The following RARB variants were observed in gnomAD, a reference collection of about 807,000 sequenced individuals.
RARB encodes the protein HBV-activated protein.
RARB carries 17 observed loss-of-function variants against 51.9 expected under a neutral mutation model. The observed-to-expected ratio is 0.33, with a 90% CI of 0.22 to 0.49. RARB has a LOEUF of 0.49. Ranked by LOEUF, RARB falls within the 20% of genes least tolerant of loss-of-function variation. The pLI is 0.99. For missense variants in RARB, 369 were observed against 550.8 expected (o/e 0.67, Z 3.30); for synonymous variants, 215 against 195.4 (o/e 1.10, Z -0.84).
chr3:25,103,511 G>C (rs967351251), intron 3 of RARB, among the ~76,000 whole-genome samples: 1 of 152,158 alleles, frequency 6.6e-6, no homozygotes, highest in African/African-American at 2.4e-5. Context: ...GCCATCTTCA[G>C]GATAATTTTA....
intron 2 of RARB, among the ~76,000 whole-genome samples, chr3:24,902,813 C>G (rs1298040605): frequency 6.6e-6 from 1 of 152,050 alleles, no homozygotes; most frequent in Non-Finnish European, 1.5e-5. Context: ...CTGGCTTTGC[C>G]AATCTGGTTA....
At chr3:25,392,457 T>C (rs1234197651) in intron 5 of RARB, among the ~76,000 whole-genome samples, 1 of 152,164 alleles carries the variant, frequency 6.6e-6, no homozygotes, top group Non-Finnish European at 1.5e-5. Context: ...GGGATTTACA[T>C]TGAATTTATA....
At chr3:25,340,221 GA>G (rs199642494) in intron 5 of RARB, among the ~76,000 whole-genome samples, 5 of 151,326 alleles carry the variant, frequency 3.3e-5, no homozygotes, top group African/African-American at 1.2e-4. Flanking sequence ...AAGACTAATG[GA>G]AAAAAAACAG....
intron 5 of RARB, among the ~76,000 whole-genome samples, chr3:25,273,699 C>T (rs555799139): frequency 3.9e-5 from 6 of 152,330 alleles, no homozygotes; most frequent in Admixed American, 3.3e-4. Context: ...CTTATGGTTT[C>T]ATATTGCCCA....
chr3:24,937,432 T>C (rs999312153), intron 2 of RARB, among the ~76,000 whole-genome samples: 2 of 152,130 alleles, frequency 1.3e-5, no homozygotes, highest in African/African-American at 4.8e-5. Context: ...TACTTTATCT[T>C]ACTTTTCATC....
Position 24,897,128 on chromosome 3 carries a change from C to T in RARB, c.-380+38376C>T, listed in dbSNP as rs1006567084. 7.9e-5 allele frequency among the ~76,000 whole-genome samples: 12 copies of T among 152,284 alleles called. No homozygotes were observed. In the South Asian group the frequency reaches 8.3e-4, roughly 11 times the overall value. On this transcript the variant is annotated intron_variant, in intron 2 of 11. Coordinates refer to the RARB transcript ENST00000383772. Reference sequence around the variant, plus strand: ...TTAAATAAACGTGTAAAGCCAGCATCGTGCCCTGTCTCTCCTCCTCCATAA... The same window carrying T: ...TTAAATAAACGTGTAAAGCCAGCATTGTGCCCTGTCTCTCCTCCTCCATAA...
chr3:25,418,797 C>T (rs963134409), intron 5 of RARB, among the ~76,000 whole-genome samples: 3 of 151,924 alleles, frequency 2.0e-5, no homozygotes, highest in African/African-American at 7.3e-5. Context: ...AATTTCTGGC[C>T]AAACTGACTC....
At chr3:25,250,543 C>T (rs1575257238) in intron 5 of RARB, among the ~76,000 whole-genome samples, 1 of 152,138 alleles carries the variant, frequency 6.6e-6, no homozygotes, top group East Asian at 1.9e-4. Context: ...GGTGTCCCCA[C>T]TACTGGGGAT....
chr3:24,980,206 T>C (rs964401585), intron 2 of RARB, among the ~76,000 whole-genome samples: 2 of 152,210 alleles, frequency 1.3e-5, no homozygotes, highest in Non-Finnish European at 2.9e-5. Flanking sequence ...TTAACATTTT[T>C]TTCCTTCATT....
intron 2 of RARB, among the ~76,000 whole-genome samples, chr3:24,960,894 A>G (rs928236373): frequency 5.3e-5 from 8 of 152,308 alleles, no homozygotes; most frequent in Middle Eastern, 3.4e-3. Flanking sequence ...TAGGATTGGG[A>G]ACAATGACTA....
intron 2 of RARB, among the ~76,000 whole-genome samples, chr3:24,998,441 T>G (rs2125273609): frequency 6.6e-6 from 1 of 152,196 alleles, no homozygotes; most frequent in South Asian, 2.1e-4. Flanking sequence ...GTGGAAGACT[T>G]TCATTGTCAC....
At chr3:25,349,482 T>G (rs1705494211) in intron 5 of RARB, among the ~76,000 whole-genome samples, 1 of 152,280 alleles carries the variant, frequency 6.6e-6, no homozygotes, top group East Asian at 1.9e-4. Flanking sequence ...GGACGTTAAG[T>G]TTGGCCCATG....
intron 2 of RARB, among the ~76,000 whole-genome samples, chr3:24,958,254 G>GGTTTTT (rs1559411458): frequency 1.8e-4 from 12 of 67,406 alleles, no homozygotes; most frequent in Admixed American, 4.4e-4. Flanking sequence ...GAGCTGCTCA[G>GGTTTTT]GTTTTTTTTT....
intron 5 of RARB, among the ~76,000 whole-genome samples, chr3:25,185,602 T>G (rs1700956757): frequency 1.3e-5 from 2 of 152,094 alleles, no homozygotes; most frequent in African/African-American, 4.8e-5. Context: ...ACTCTACACT[T>G]AAGAATATTT....
intron 5 of RARB, among the ~76,000 whole-genome samples, chr3:25,292,416 G>A (rs1300775752): frequency 6.6e-6 from 1 of 152,154 alleles, no homozygotes; most frequent in Non-Finnish European, 1.5e-5. Flanking sequence ...CTAAGTGAAT[G>A]GTGAGCTTTC....
chr3:25,488,188 C>T (rs185859402), intron 2 of RARB, among the ~76,000 whole-genome samples: 39 of 152,306 alleles, frequency 2.6e-4, no homozygotes, highest in Admixed American at 1.4e-3. Flanking sequence ...TCATGATTTA[C>T]GGGGGCCCGG....
At chr3:25,023,400 G>T (rs1358049103) in intron 2 of RARB, among the ~76,000 whole-genome samples, 2 of 152,128 alleles carry the variant, frequency 1.3e-5, no homozygotes, top group South Asian at 2.1e-4. Flanking sequence ...ATTTACTGAG[G>T]TTAAGACGAA....
chr3:25,144,118 G>C (rs1700151695), intron 4 of RARB, among the ~76,000 whole-genome samples: 1 of 152,158 alleles, frequency 6.6e-6, no homozygotes, highest in East Asian at 1.9e-4. Context: ...ACATTCAACA[G>C]AATTTGTTGA....
rs143460021 is a variant in RARB at position 25,031,125 on chromosome 3, C to T, written c.-379-29000C>T. ...TGTTGAGCAGCATCCCCGGCCTCAA[C>T]TCACTAGGTGCCACTAGCACCACCC... is the stretch of plus-strand genomic sequence containing the variant. On this transcript the variant is annotated intron_variant, in intron 2 of 11. Coordinates refer to the RARB transcript ENST00000383772. Among the ~76,000 whole-genome samples the T allele has an allele frequency of 2.5e-3, 382 of 152,284 alleles. 1 individual carries two copies. The highest frequency in any genetic ancestry group is 8.6e-3 in the African/African-American group (358 of 41,544).
Sources: gnomAD v4.1 joint callset for allele counts (sites outside exome capture counted in the v4.1 genomes callset) on GRCh38, gnomAD v4.1.1 for gene constraint, MANE v1.5 for transcripts, NCBI Gene and HGNC (gene_info 2026-07-23, HGNC 2026-07-21) for gene names.